Variants in LDLRAD3 observed in about 807,000 individuals in gnomAD.
The protein encoded by LDLRAD3 is low density lipoprotein receptor class A domain containing 3, also known as low-density lipoprotein receptor class A domain-containing protein 3.
A neutral mutation model predicts 29.4 loss-of-function variants in LDLRAD3; 20 were observed. That is an observed-to-expected ratio of 0.68 (90% CI 0.48 to 0.99). LDLRAD3 has a LOEUF of 0.99. Among genes scored for constraint, LDLRAD3 ranks in the 50% least tolerant of loss-of-function variants. LDLRAD3 has a pLI of 0.00. For missense variants in LDLRAD3, 420 were observed against 454.3 expected, an observed-to-expected ratio of 0.92 and a Z score of 0.69; for synonymous variants, 157 against 192.7, an observed-to-expected ratio of 0.81 and a Z score of 1.53.
At chr11:36,087,829 A>G (rs1025038387) in intron 3 of LDLRAD3, among the ~76,000 whole-genome samples, 2 of 151,902 alleles carry the variant, frequency 1.3e-5, no homozygotes, top group Admixed American at 1.3e-4. Context: ...CTTCTACCTC[A>G]GCTGCCCAAG....
chr11:36,110,692 A>T (rs557000392), intron 4 of LDLRAD3, among the ~76,000 whole-genome samples: 5 of 152,364 alleles, frequency 3.3e-5, no homozygotes, highest in Admixed American at 1.3e-4. Flanking sequence ...TCACCCAGGT[A>T]CTGGAAGAAA....
At position 36,160,733 on chromosome 11, in the gene LDLRAD3, G is replaced by A. The variant is rs914358419; in HGVS notation, c.454+62272G>A. Among the ~76,000 whole-genome samples the A allele has an allele frequency of 8.6e-5, 13 of 151,888 alleles. No individual in the cohort carries two copies. The South Asian group carries it at 1.0e-3, about 12-fold the overall frequency. ...TAGAAGAAATCGGGACTGAAAATGC[G>A]TTAGTGACCAGCTCAAAGTCACACA... On this transcript the variant is annotated intron_variant, in intron 4 of 5. Coordinates refer to ENST00000315571, the MANE Select transcript of LDLRAD3 (RefSeq NM_174902.4).
At chr11:36,092,437 A>G (rs952798724) in intron 3 of LDLRAD3, among the ~76,000 whole-genome samples, 3 of 152,150 alleles carry the variant, frequency 2.0e-5, no homozygotes, top group Non-Finnish European at 4.4e-5. Flanking sequence ...TGTTAAGTGT[A>G]TTCACCCTAC....
chr11:35,987,884 A>G (rs1018904415), intron 1 of LDLRAD3, among the ~76,000 whole-genome samples: 1 of 152,150 alleles, frequency 6.6e-6, no homozygotes, highest in Admixed American at 6.5e-5. Flanking sequence ...ATTCCCATCA[A>G]CTGTGTATAA....
intron 3 of LDLRAD3, among the ~76,000 whole-genome samples, chr11:36,093,285 G>A (rs1853311222): frequency 6.6e-6 from 1 of 152,142 alleles, no homozygotes. Flanking sequence ...GTATCATTGT[G>A]TTGCTGTATT....
intron 2 of LDLRAD3, among the ~76,000 whole-genome samples, chr11:36,054,959 A>G (rs1852592483): frequency 8.6e-6 from 1 of 115,748 alleles, no homozygotes; most frequent in Admixed American, 8.7e-5. Context: ...GGATACACGG[A>G]TGGATGGATG....
chr11:36,080,898 A>C (rs1309240872), intron 2 of LDLRAD3, among the ~76,000 whole-genome samples: 1 of 152,134 alleles, frequency 6.6e-6, no homozygotes, highest in Non-Finnish European at 1.5e-5. Flanking sequence ...CTCACTAGAG[A>C]CTCAGTATCC....
chr11:36,022,020 A>G (rs982213831), intron 1 of LDLRAD3, among the ~76,000 whole-genome samples: 2 of 152,146 alleles, frequency 1.3e-5, no homozygotes, highest in African/African-American at 4.8e-5. Context: ...GTGTCTTGAT[A>G]TTGAGCTGCC....
chr11:36,147,938 C>T (rs546068437), intron 4 of LDLRAD3, among the ~76,000 whole-genome samples: 9 of 152,054 alleles, frequency 5.9e-5, no homozygotes, highest in African/African-American at 1.7e-4. Context: ...TGGTGCAATC[C>T]TGGCTCACTG....
chr11:35,992,300 C>G (rs1207493647), intron 1 of LDLRAD3, among the ~76,000 whole-genome samples: 2 of 152,206 alleles, frequency 1.3e-5, no homozygotes, highest in Non-Finnish European at 2.9e-5. Context: ...AGTGATTTAA[C>G]TATTCCTCAG....
At chr11:36,054,648 T>C (rs1045434825) in intron 2 of LDLRAD3, among the ~76,000 whole-genome samples, 2 of 152,182 alleles carry the variant, frequency 1.3e-5, no homozygotes, top group Non-Finnish European at 2.9e-5. Flanking sequence ...AAGCTGCTGC[T>C]TAAAAAGAAT....
intron 4 of LDLRAD3, among the ~76,000 whole-genome samples, chr11:36,150,638 C>G (rs990345890): frequency 2.0e-5 from 3 of 151,970 alleles, no homozygotes; most frequent in African/African-American, 7.3e-5. Context: ...GCCTGTAGTC[C>G]CAGCTACTTG....
At chr11:36,160,526 C>T (rs1351322246) in intron 4 of LDLRAD3, among the ~76,000 whole-genome samples, 1 of 152,030 alleles carries the variant, frequency 6.6e-6, no homozygotes, top group Non-Finnish European at 1.5e-5. Flanking sequence ...GGGAGTTTAT[C>T]TTTCTTTTAA....
At chr11:35,960,195 A>G (rs1223146781) in intron 1 of LDLRAD3, among the ~76,000 whole-genome samples, 2 of 152,130 alleles carry the variant, frequency 1.3e-5, no homozygotes, top group African/African-American at 4.8e-5. Flanking sequence ...CCCATTTATA[A>G]TTTTGAGTTC....
rs541486998 is a variant in LDLRAD3 at position 36,118,970 on chromosome 11, ACTTAGCATAACGTGTT to A, written c.454+20511_454+20526del. On this transcript the variant is annotated intron_variant, in intron 4 of 5. Coordinates refer to ENST00000315571, the MANE Select transcript of LDLRAD3 (RefSeq NM_174902.4). Reference sequence around the variant, plus strand: ...TGTTCTTTTGTGACTGACTTCTTTCACTTAGCATAACGTGTTCAAGGTTCATGTAACCATGGGTGTC... The same window carrying A: ...TGTTCTTTTGTGACTGACTTCTTTCACAAGGTTCATGTAACCATGGGTGTC... Among the ~76,000 whole-genome samples, 388 of 152,260 alleles carry A rather than the reference ACTTAGCATAACGTGTT, an allele frequency of 2.5e-3. 2 individuals carry two copies. The highest frequency in any genetic ancestry group is 0.019 in the South Asian group (91 of 4,826).
chr11:36,057,572 G>T (rs575033760), intron 2 of LDLRAD3, among the ~76,000 whole-genome samples: 1 of 152,064 alleles, frequency 6.6e-6, no homozygotes, highest in Non-Finnish European at 1.5e-5. Flanking sequence ...GTTGAAATAC[G>T]CTATTACTTG....
chr11:36,065,658 G>A (rs190832846), intron 2 of LDLRAD3, among the ~76,000 whole-genome samples: 2 of 152,316 alleles, frequency 1.3e-5, no homozygotes, highest in East Asian at 3.9e-4. Context: ...CAGGCTGTGG[G>A]AACAGCCTGA....
chr11:36,080,947 G>C (rs1183168581), intron 2 of LDLRAD3, among the ~76,000 whole-genome samples: 1 of 152,154 alleles, frequency 6.6e-6, no homozygotes, highest in Non-Finnish European at 1.5e-5. Flanking sequence ...GGCACCCTCT[G>C]TTCAGCATGT....
chr11:36,138,037 A>G lies in LDLRAD3; in HGVS notation c.454+39576A>G, dbSNP rs562290956. Reference sequence around the variant, plus strand: ...CCATACGTAACTCAGGGGCCCTTTAATCTGTTGCATTTGAGGTGCATCACC... The same window carrying G: ...CCATACGTAACTCAGGGGCCCTTTAGTCTGTTGCATTTGAGGTGCATCACC... On this transcript the variant is annotated intron_variant, in intron 4 of 5. Coordinates refer to ENST00000315571, the MANE Select transcript of LDLRAD3 (RefSeq NM_174902.4). 1.9e-4 allele frequency among the ~76,000 whole-genome samples: 29 copies of G among 152,312 alleles called. No individual in the cohort carries two copies. The South Asian group carries it at 5.8e-3, about 30-fold the overall frequency.
Sources: gnomAD v4.1 joint callset for allele counts (sites outside exome capture counted in the v4.1 genomes callset) on GRCh38, gnomAD v4.1.1 for gene constraint, MANE v1.5 for transcripts, NCBI Gene and HGNC (gene_info 2026-07-23, HGNC 2026-07-21) for gene names.